The following WDR31 variants were observed in gnomAD, a reference collection of about 807,000 sequenced individuals.
The protein encoded by WDR31 is WD repeat domain 31.
In WDR31, 30 loss-of-function variants were observed where a neutral mutation model predicts 47.3. The observed-to-expected ratio is 0.63, with a 90% CI of 0.47 to 0.86. The LOEUF is 0.86. WDR31 is among the 40% of genes least tolerant of loss of function. The pLI is 0.00. For synonymous variants in WDR31, 137 were observed against 159.4 expected, an observed-to-expected ratio of 0.86 and a Z score of 1.06; for missense variants, 406 against 442.9, an observed-to-expected ratio of 0.92 and a Z score of 0.75.
intron 1 of WDR31, among the ~76,000 whole-genome samples, chr9:113,337,301 T>G (rs1833735388): frequency 6.6e-6 from 1 of 151,962 alleles, no homozygotes; most frequent in Non-Finnish European, 1.5e-5. Context: ...GCTCTATGTT[T>G]TATATTTATT....
chr9:113,320,309 G>C, intron 9 of WDR31, 48 bp downstream of exon 9: 4 of 1,604,390 alleles, frequency 2.5e-6, no homozygotes, highest in Non-Finnish European at 3.4e-6. Context: ...CAGAGTAAGT[G>C]ATCTGTTCAT....
Position 113,318,615 on chromosome 9 carries a change from C to T in WDR31, c.803G>A (p.Arg268Gln), listed in dbSNP as rs373131738. The change falls in exon 10 of 11, where the codon CGA becomes CAA. Residue 268 changes from arginine (R) to glutamine (Q), a missense_variant. Coordinates refer to ENST00000374193, the MANE Select transcript of WDR31 (RefSeq NM_001012361.4). ...CCCCTTATACTCACATATTCTGTTT[C>T]GAGTCTGTCTTAGGTCCCACAACTG... ...EATLWDLRQT[R>Q]NRICEYKGHF... 56 of 1,614,126 alleles carry T rather than the reference C, an allele frequency of 3.5e-5. No homozygotes were observed. Among genetic ancestry groups the T allele is most frequent in the East Asian group, 1.8e-4 (8 of 44,884 alleles).
At chr9:113,320,804 C>T (rs748343424) in intron 8 of WDR31, among the ~76,000 whole-genome samples, 7 of 152,200 alleles carry the variant, frequency 4.6e-5, no homozygotes, top group Middle Eastern at 3.4e-3. Flanking sequence ...CACTGCTTTC[C>T]GTGGACAAAA....
rs938145831 is a variant in WDR31, at chr9:113,331,049, T to A, written c.184A>T (p.Met62Leu). 28 of 1,612,554 alleles carry A rather than the reference T, an allele frequency of 1.7e-5. No homozygotes were observed. The highest frequency in any genetic ancestry group is 1.7e-4 in the Middle Eastern group (1 of 6,050). ...KAFQEYSPAH[M>L]DTVSVVAALN... is the part of the protein sequence containing the mutation. ...GCAGCCACGACAGAGACGGTATCCA[T>A]GTGAGCTGGGCTATACTCTTGAAAA... Residue 62 changes from methionine to leucine, a missense_variant, in exon 4 of 11, where the codon ATG becomes TTG. By Grantham distance (15) the Met-to-Leu change is conservative. Transcript: ENST00000374193.
At chr9:113,338,878 A>G (rs1833771425) in intron 1 of WDR31, among the ~76,000 whole-genome samples, 1 of 152,164 alleles carries the variant, frequency 6.6e-6, no homozygotes, top group Admixed American at 6.5e-5. Flanking sequence ...TTGGCCTCCC[A>G]AAATGCTGGG....
intron 1 of WDR31, among the ~76,000 whole-genome samples, chr9:113,337,736 G>A (rs1417281001): frequency 6.6e-6 from 1 of 152,170 alleles, no homozygotes; most frequent in Non-Finnish European, 1.5e-5. Context: ...AAAGTGCTGG[G>A]ATTACAGGCA....
intron 5 of WDR31, among the ~76,000 whole-genome samples, chr9:113,327,188 T>C (rs988821759): frequency 6.6e-6 from 1 of 152,216 alleles, no homozygotes; most frequent in African/African-American, 2.4e-5. Context: ...TCTTAATTTA[T>C]AGAGAGTAAA....
chr9:113,331,484 T>C (rs1305585057), intron 3 of WDR31, among the ~76,000 whole-genome samples: 1 of 152,206 alleles, frequency 6.6e-6, no homozygotes, highest in Non-Finnish European at 1.5e-5. Context: ...AGTCTCACTC[T>C]GTTGCCCAGA....
intron 5 of WDR31, among the ~76,000 whole-genome samples, chr9:113,326,097 G>T (rs1375819541): frequency 1.3e-5 from 2 of 152,110 alleles, no homozygotes; most frequent in East Asian, 1.9e-4. Context: ...TTTTAGTAGA[G>T]ACGGGGTTTC....
chr9:113,317,279 T>C (rs954531771), intron 10 of WDR31, among the ~76,000 whole-genome samples: 4 of 152,194 alleles, frequency 2.6e-5, no homozygotes, highest in African/African-American at 9.7e-5. Flanking sequence ...CCTGGGGTCT[T>C]GATGCCTTGG....
chr9:113,332,794 G>T (rs1833627479), intron 2 of WDR31, among the ~76,000 whole-genome samples: 1 of 152,202 alleles, frequency 6.6e-6, no homozygotes, highest in Non-Finnish European at 1.5e-5. Flanking sequence ...TTAGTTGGAG[G>T]TGTTTCGGTC....
At position 113,315,335 on chromosome 9, in the gene WDR31, A is replaced by C. The variant is rs1452324898; in HGVS notation, c.*1414T>G. 6.6e-6 allele frequency: 1 copy of C among 152,028 alleles called. No individual in the cohort carries two copies. The highest frequency in any genetic ancestry group is 1.5e-5 in the Non-Finnish European group (1 of 68,046). The allele number at this position is 152,028 out of a possible 1,614,324, so 9.4% of individuals were successfully genotyped here. ...GATCACACCAAGAGAGGGAAGAAGG[A>C]AGGTGGCTGTCAGTCACTGGTATCA... On this transcript the variant is annotated 3_prime_UTR_variant, in exon 11 of 11. Coordinates refer to ENST00000374193, the MANE Select transcript of WDR31 (RefSeq NM_001012361.4).
intron 4 of WDR31, among the ~76,000 whole-genome samples, chr9:113,330,250 G>A (rs1170227936): frequency 6.6e-6 from 1 of 151,920 alleles, no homozygotes; most frequent in South Asian, 2.1e-4. Context: ...ACAGGCAAGC[G>A]CCATCATGCC....
At chr9:113,326,754 A>C (rs560691999) in intron 5 of WDR31, among the ~76,000 whole-genome samples, 2 of 152,050 alleles carry the variant, frequency 1.3e-5, no homozygotes, top group Non-Finnish European at 2.9e-5. Context: ...GATTTTAGGA[A>C]TGAGCTACCC....
Position 113,316,536 on chromosome 9 carries a change from C to A in WDR31, c.*213G>T. On this transcript the variant is annotated 3_prime_UTR_variant, in exon 11 of 11. Coordinates refer to ENST00000374193, the MANE Select transcript of WDR31 (RefSeq NM_001012361.4). ...ATTTGTATTTAACTTAAATAGAGAA[C>A]CTTATGTGTAGTCCATGTTTCTGGA... 1.9e-6 allele frequency: 1 copy of A among 519,412 alleles called. No homozygotes were observed. The highest frequency in any genetic ancestry group is 3.3e-6 in the Non-Finnish European group (1 of 302,348). The allele number at this position is 519,412 out of a possible 1,614,324, so 32.2% of individuals were successfully genotyped here.
chr9:113,314,528 A>C lies in WDR31; in HGVS notation c.*2221T>G, dbSNP rs1833147870. On this transcript the variant is annotated 3_prime_UTR_variant, in exon 11 of 11. Coordinates refer to ENST00000374193, the MANE Select transcript of WDR31 (RefSeq NM_001012361.4). ...GCGTCCGGCAGAATGGTAAATGTTT[A>C]ATATGGAAAAGGGAACATTTAGTCT... is the stretch of plus-strand genomic sequence containing the variant. 1 of 151,962 alleles carries C rather than the reference A, an allele frequency of 6.6e-6. No individual in the cohort carries two copies. The highest frequency in any genetic ancestry group is 2.4e-5 in the African/African-American group (1 of 41,362). 9.4% of individuals were successfully genotyped at this position (151,962 alleles called of 1,614,324 possible). A position where few individuals can be genotyped will look rare whatever the true frequency, so the allele number is the denominator to read the frequency against.
Position 113,316,897 on chromosome 9 carries a change from G to A in WDR31, c.956C>T (p.Thr319Ile). ...GGGTCCTGATCCATCCAGAGACAAGGTGAAAAGGCAGGCTGGGGGGGAAAG... is the reference window on the plus strand; with the variant it reads ...GGGTCCTGATCCATCCAGAGACAAGATGAAAAGGCAGGCTGGGGGGGAAAG... ...WNQDTGACLF[T>I]LSLDGSGPLT... The change falls in exon 11 of 11, where the codon ACC becomes ATC. Residue 319 changes from threonine to isoleucine, a missense_variant. Physicochemically the swap from Thr to Ile is moderately conservative, Grantham distance 89. Coordinates refer to ENST00000374193, the MANE Select transcript of WDR31 (RefSeq NM_001012361.4). 1 of 1,613,928 alleles carries A rather than the reference G, an allele frequency of 6.2e-7. No homozygotes were observed. Among genetic ancestry groups the A allele is most frequent in the Non-Finnish European group, 8.5e-7 (1 of 1,179,916 alleles).
intron 10 of WDR31, among the ~76,000 whole-genome samples, chr9:113,317,459 C>T (rs1168444178): frequency 1.3e-5 from 2 of 152,210 alleles, no homozygotes; most frequent in Non-Finnish European, 2.9e-5. Flanking sequence ...TCTCGTTCTC[C>T]CTGGTCAGAT....
chr9:113,319,306 G>C (rs1277637900), intron 9 of WDR31, among the ~76,000 whole-genome samples: 3 of 152,136 alleles, frequency 2.0e-5, no homozygotes, highest in Non-Finnish European at 2.9e-5. Flanking sequence ...TGTTATCCAG[G>C]GAATAGCTGT....
Sources: allele counts gnomAD v4.1 joint callset (sites outside exome capture counted in the v4.1 genomes callset), GRCh38; gene constraint gnomAD v4.1.1; transcripts MANE v1.5; gene names NCBI Gene and HGNC (gene_info 2026-07-23, HGNC 2026-07-21).